The following UBR3 variants were observed in gnomAD, a reference collection of about 807,000 sequenced individuals.
The protein encoded by UBR3 is E3 ubiquitin-protein ligase UBR3.
UBR3 carries 85 observed loss-of-function variants against 243.2 expected under a neutral mutation model. The observed-to-expected ratio is 0.35, with a 90% CI of 0.29 to 0.42. The LOEUF (loss-of-function observed/expected upper bound fraction) is 0.42, where lower values mean the gene tolerates loss of function less well. Ranked by LOEUF, UBR3 falls within the 10% of genes least tolerant of loss-of-function variation. The pLI is 1.00. For synonymous variants in UBR3, 748 were observed against 799.8 expected, an observed-to-expected ratio of 0.94 and a Z score of 1.09; for missense variants, 1,686 against 2,300.8, an observed-to-expected ratio of 0.73 and a Z score of 5.47.
chr2:169,973,921 C>A (rs1425604170), intron 24 of UBR3, among the ~76,000 whole-genome samples: 1 of 152,158 alleles, frequency 6.6e-6, no homozygotes, highest in Non-Finnish European at 1.5e-5. Context: ...TGAATTTTGT[C>A]AAATGCTTTT....
At chr2:170,050,541 AGT>A (rs2091193127) in intron 32 of UBR3, among the ~76,000 whole-genome samples, 2 of 152,178 alleles carry the variant, frequency 1.3e-5, no homozygotes, top group African/African-American at 4.8e-5. Flanking sequence ...AGGCATTTCA[AGT>A]AAGTATTGAT....
At chr2:169,950,096 T>A in intron 23 of UBR3, 31 bp downstream of exon 23, 2 of 1,506,712 alleles carry the variant, frequency 1.3e-6, no homozygotes, top group Non-Finnish European at 1.8e-6. Context: ...TTTAAACGTG[T>A]GTATAGTTGA....
At chr2:169,844,528 C>T (rs1207435932) in intron 1 of UBR3, among the ~76,000 whole-genome samples, 1 of 140,842 alleles carries the variant, frequency 7.1e-6, no homozygotes, top group Non-Finnish European at 1.5e-5. Flanking sequence ...GGGTCTTACT[C>T]TGTCACCCAG....
chr2:169,955,089 A>C (rs2087216704), intron 23 of UBR3, among the ~76,000 whole-genome samples: 2 of 152,180 alleles, frequency 1.3e-5, no homozygotes, highest in Admixed American at 1.3e-4. Context: ...CTTTGGCAGG[A>C]ATGTAAATGA....
At chr2:169,875,595 T>G (rs1162464053) in intron 2 of UBR3, among the ~76,000 whole-genome samples, 196 bp from the exon 3 acceptor site, 1 of 152,230 alleles carries the variant, frequency 6.6e-6, no homozygotes, top group African/African-American at 2.4e-5. Flanking sequence ...ACTGAATTCC[T>G]GAGCAAGTCT....
At chr2:169,939,434 A>AC (rs2086484974) in intron 19 of UBR3, among the ~76,000 whole-genome samples, 1 of 141,568 alleles carries the variant, frequency 7.1e-6, no homozygotes, top group Non-Finnish European at 1.5e-5. Context: ...AATTTTTTGT[A>AC]TTTTTTTTTT....
intron 1 of UBR3, among the ~76,000 whole-genome samples, chr2:169,832,512 G>T (rs1179034584): frequency 6.6e-6 from 1 of 151,446 alleles, no homozygotes; most frequent in East Asian, 1.9e-4. Context: ...AGTGAGCTTG[G>T]AGTGAGATCC....
At chr2:169,956,942 G>C (rs2087328133) in intron 23 of UBR3, among the ~76,000 whole-genome samples, 1 of 152,126 alleles carries the variant, frequency 6.6e-6, no homozygotes, top group Non-Finnish European at 1.5e-5. Flanking sequence ...TAAAGAAACT[G>C]CTGTAGTATA....
intron 1 of UBR3, among the ~76,000 whole-genome samples, chr2:169,851,804 C>T (rs568097612): frequency 2.0e-5 from 3 of 149,812 alleles, no homozygotes; most frequent in South Asian, 2.1e-4. Flanking sequence ...TGCCACTGCA[C>T]TCCAGCCTGG....
intron 26 of UBR3, among the ~76,000 whole-genome samples, chr2:170,000,642 C>T (rs997409426): frequency 2.0e-5 from 3 of 152,126 alleles, no homozygotes; most frequent in Non-Finnish European, 4.4e-5. Context: ...GTCTGTGGGA[C>T]ATTAAACTGG....
chr2:169,965,437 T>C (rs1347743257), intron 24 of UBR3, among the ~76,000 whole-genome samples: 2 of 152,208 alleles, frequency 1.3e-5, no homozygotes, highest in Non-Finnish European at 2.9e-5. Flanking sequence ...AAACTAACCA[T>C]GGGTAGTATC....
chr2:169,983,002 T>TA (rs1443613538), intron 24 of UBR3, among the ~76,000 whole-genome samples: 1 of 152,098 alleles, frequency 6.6e-6, no homozygotes, highest in Non-Finnish European at 1.5e-5. Context: ...TGAGACAACT[T>TA]ATGTGTGTTC....
In UBR3 at chr2:169,924,147, C is replaced by T. The variant is rs61744354; in HGVS notation, c.1996C>T (p.Leu666=). The change falls in exon 13 of 39, where the codon CTA becomes TTA. Residue 666 remains leucine (L), a synonymous_variant. Coordinates refer to ENST00000272793, the MANE Select transcript of UBR3 (RefSeq NM_172070.4). ...ACCAGATCAGGAAATGTTAATGAAA[C>T]TAATGATTCACCCACTCCAAATTCA... ...VLPDQEMLMK[L]MIHPLQIQAS... is the part of the protein sequence containing the mutation. 78,345 of 1,546,878 alleles carry T rather than the reference C, an allele frequency of 0.051. 2,098 individuals are homozygous for T. Among genetic ancestry groups the T allele is most frequent in the Non-Finnish European group, 0.056 (63,767 of 1,145,402 alleles).
intron 1 of UBR3, among the ~76,000 whole-genome samples, chr2:169,835,453 T>G (rs1298755035): frequency 6.6e-6 from 1 of 152,186 alleles, no homozygotes; most frequent in African/African-American, 2.4e-5. Flanking sequence ...GTTTGTTTGT[T>G]TGTTTTGATA....
chr2:169,969,879 A>G (rs190013189), intron 24 of UBR3, among the ~76,000 whole-genome samples: 279 of 143,042 alleles, frequency 2.0e-3, no homozygotes, highest in Admixed American at 4.3e-3. Flanking sequence ...GTACCATGCT[A>G]TTTTGATTAA....
intron 1 of UBR3, among the ~76,000 whole-genome samples, chr2:169,857,062 A>ATTTTTTTTTTTTT (rs1553494582): frequency 7.0e-5 from 2 of 28,472 alleles, no homozygotes; most frequent in South Asian, 1.6e-3. Flanking sequence ...TAATTTTATT[A>ATTTTTTTTTTTTT]TGTTTTTTTT....
At chr2:169,845,528 G>GTCT (rs1323631336) in intron 1 of UBR3, among the ~76,000 whole-genome samples, 5 of 107,926 alleles carry the variant, frequency 4.6e-5, no homozygotes, top group African/African-American at 1.3e-4. Flanking sequence ...CGTCGTCGTC[G>GTCT]TCGTCTTCTT....
Position 169,827,835 on chromosome 2 carries a change from G to T in UBR3, c.328G>T (p.Ala110Ser). The change falls in exon 1 of 39, where the codon GCG (alanine) becomes TCG (serine). Residue 110 changes from alanine (A) to serine (S), a missense_variant. By Grantham distance (99) the Ala-to-Ser change is moderately conservative. Coordinates refer to ENST00000272793, the MANE Select transcript of UBR3 (RefSeq NM_172070.4). ...GGGGYDEFCA[A>S]VRAYDPAALC... ...CGGCGGCTACGACGAGTTCTGCGCGGCGGTGCGGGCCTACGATCCCGCGGC... is the reference window on the plus strand; with the variant it reads ...CGGCGGCTACGACGAGTTCTGCGCGTCGGTGCGGGCCTACGATCCCGCGGC... The T allele has an allele frequency of 6.6e-7, 1 of 1,504,404 alleles. No homozygotes were observed. The highest frequency in any genetic ancestry group is 8.8e-7 in the Non-Finnish European group (1 of 1,130,842). The allele number at this position is 1,504,404 out of a possible 1,614,324, so 93.2% of individuals were successfully genotyped here.
chr2:169,980,138 A>G (rs2088651537), intron 24 of UBR3, among the ~76,000 whole-genome samples: 1 of 152,224 alleles, frequency 6.6e-6, no homozygotes, highest in African/African-American at 2.4e-5. Context: ...TGAAACCACT[A>G]TACGTATATA....
Sources: allele counts gnomAD v4.1 joint callset (sites outside exome capture counted in the v4.1 genomes callset), GRCh38; gene constraint gnomAD v4.1.1; transcripts MANE v1.5; gene names NCBI Gene and HGNC (gene_info 2026-07-23, HGNC 2026-07-21).